The following SUN2 variants were observed in gnomAD, a reference collection of about 807,000 sequenced individuals.
The protein encoded by SUN2 is SUN domain-containing protein 2.
In SUN2, 60 loss-of-function variants were observed where a neutral mutation model predicts 100.0. The ratio of observed to expected loss-of-function variants is 0.60; its 90% confidence interval spans 0.49 to 0.74. The LOEUF (loss-of-function observed/expected upper bound fraction) is 0.74, where lower values mean the gene tolerates loss of function less well. Ranked by LOEUF, SUN2 falls within the 30% of genes least tolerant of loss-of-function variation. The probability of loss-of-function intolerance (pLI) is 0.00; values close to 1 mark genes in which losing one functional copy is unlikely to be tolerated. For missense variants in SUN2, 834 were observed against 954.6 expected (o/e 0.87, Z 1.66); for synonymous variants, 367 against 403.3 (o/e 0.91, Z 1.08).
chr22:38,754,890 C>G (rs1306033526), intron 1 of SUN2: 17 of 1,289,260 alleles, frequency 1.3e-5, no homozygotes, highest in Non-Finnish European at 1.6e-5. Context: ...CATCACAAAA[C>G]AGTTTACCAT....
chr22:38,755,356 A>G lies in SUN2; in HGVS notation c.-38+407T>C. 1 of 1,042,396 alleles carries G rather than the reference A, an allele frequency of 9.6e-7. No individual in the cohort carries two copies. Among genetic ancestry groups the G allele is most frequent in the Non-Finnish European group, 1.2e-6 (1 of 861,986 alleles). 64.6% of individuals were successfully genotyped at this position (1,042,396 alleles called of 1,614,324 possible). ...ATTGCTTTGTTTTGTTTTGTTTTAG[A>G]ACTGAACAAAACGGGCCTTCCTCTG... On this transcript the variant is annotated intron_variant, in intron 1 of 17. Coordinates refer to ENST00000689035, the MANE Select transcript of SUN2 (RefSeq NM_015374.3). The surrounding 1 kb of genome is among the most constrained non-coding windows in gnomAD (Gnocchi z 5.7).
chr22:38,748,864 C>A, intron 6 of SUN2, 81 bp from the exon 7 acceptor site: 1 of 1,409,460 alleles, frequency 7.1e-7, no homozygotes, highest in Non-Finnish European at 1.0e-6. Context: ...CCAGGGAGTA[C>A]CCTGAGATGT....
At chr22:38,749,930 C>T (rs991065032) in intron 5 of SUN2, 71 bp from the exon 6 acceptor site, 44 of 1,461,844 alleles carry the variant, frequency 3.0e-5, no homozygotes, top group South Asian at 1.7e-4. Flanking sequence ...TCCCGTCTGC[C>T]GTCCTCCCTG....
chr22:38,753,716 G>C (rs2092965509), intron 1 of SUN2, among the ~76,000 whole-genome samples: 1 of 152,116 alleles, frequency 6.6e-6, no homozygotes, highest in Non-Finnish European at 1.5e-5. Context: ...TATATTATTA[G>C]AAGCAAGGTA....
rs1484419392 is a variant in SUN2, at chr22:38,738,827, C to T, written c.1779+46G>A. 6.3e-7 allele frequency: 1 copy of T among 1,595,276 alleles called. No homozygotes were observed. Among genetic ancestry groups the T allele is most frequent in the Admixed American group, 1.7e-5 (1 of 59,232 alleles). On this transcript the variant is annotated intron_variant, in intron 15 of 17. Coordinates refer to ENST00000689035, the MANE Select transcript of SUN2 (RefSeq NM_015374.3). This position sits in a 1 kb window ranked among gnomAD's most constrained non-coding sequence, Gnocchi z 6.6. ...TTGCTGACCCCAGATGGGACCAGCC[C>T]TCAGTGTGCTCAGAGCCCCCGCTGC...
intron 17 of SUN2, among the ~76,000 whole-genome samples, chr22:38,736,976 T>C (rs1375307243): frequency 6.6e-6 from 1 of 152,188 alleles, no homozygotes; most frequent in African/African-American, 2.4e-5. Context: ...CCCCAGTAGC[T>C]GGGACCACAG....
chr22:38,741,485 C>T lies in SUN2; in HGVS notation c.1146+9G>A, dbSNP rs918399196. 6.2e-7 allele frequency: 1 copy of T among 1,613,708 alleles called. No individual in the cohort carries two copies. On this transcript the variant is annotated intron_variant, in intron 10 of 17. Coordinates refer to ENST00000689035, the MANE Select transcript of SUN2 (RefSeq NM_015374.3). ...AGTCACAGGCCCTGAGTGCCGCAAGCCCGCTGACCTGGGAGGCCCGGACGA... is the reference window on the plus strand; with the variant it reads ...AGTCACAGGCCCTGAGTGCCGCAAGTCCGCTGACCTGGGAGGCCCGGACGA...
chr22:38,746,447 C>CG (rs1200148509), intron 7 of SUN2, among the ~76,000 whole-genome samples: 1 of 152,008 alleles, frequency 6.6e-6, no homozygotes, highest in Non-Finnish European at 1.5e-5. Flanking sequence ...GGCAGGGGAG[C>CG]GGGGGAGGGA....
Position 38,748,947 on chromosome 22 carries a change from G to A in SUN2, c.615-164C>T, listed in dbSNP as rs995764407. The stretch of plus-strand genomic sequence containing the variant: ...ACTGTGCCAGGGCCAGCCTGGACAC[G>A]TCAGAGCCTTTCCTGCTGGGCAGGT... On this transcript the variant is annotated intron_variant, in intron 6 of 17. Coordinates refer to ENST00000689035, the MANE Select transcript of SUN2 (RefSeq NM_015374.3). 41 of 654,046 alleles carry A rather than the reference G, an allele frequency of 6.3e-5. 1 individual carries two copies. The highest frequency in any genetic ancestry group is 5.7e-4 in the Admixed American group (21 of 37,096). 40.5% of individuals were successfully genotyped at this position (654,046 alleles called of 1,614,324 possible).
At position 38,738,742 on chromosome 22, in the gene SUN2, G is replaced by A; in HGVS notation, c.1792C>T (p.Pro598Ser). 1.2e-6 allele frequency: 2 copies of A among 1,613,532 alleles called. No individual in the cohort carries two copies. The highest frequency in any genetic ancestry group is 1.7e-6 in the Non-Finnish European group (2 of 1,179,950). The stretch of plus-strand genomic sequence containing the variant: ...CCCTGGAAGGCCCAGCAGTTGCCTG[G>A]GTGCACATCTGGCTGGAGGAGCAGA... ...PRVILQPDVH[P>S]GNCWAFQGPQ... The change falls in exon 16 of 18, where the codon CCA becomes TCA. Residue 598 changes from proline to serine, a missense_variant. Around this residue, in one of 3 missense-constraint regions of SUN2, gnomAD observed 195 missense variants for 280.2 expected, o/e 0.70. Coordinates refer to ENST00000689035, the MANE Select transcript of SUN2 (RefSeq NM_015374.3). This position sits in a 1 kb window ranked among gnomAD's most constrained non-coding sequence, Gnocchi z 6.6.
rs150683665 is a variant in SUN2 at position 38,752,552 on chromosome 22, G to A, written c.77C>T (p.Ser26Leu). 1.7e-5 allele frequency: 27 copies of A among 1,613,836 alleles called. No homozygotes were observed. Among genetic ancestry groups the A allele is most frequent in the Non-Finnish European group, 2.0e-5 (24 of 1,179,946 alleles). ...DDGSSSSGGSSVAGSQSTLFK... is the reference protein window; with the variant it reads ...DDGSSSSGGSLVAGSQSTLFK... ...CAGGGTGCTCTGACTCCCAGCCACCGAGCTCCCTCCGCTGCTGCTGCTGCC... is the reference window on the plus strand; with the variant it reads ...CAGGGTGCTCTGACTCCCAGCCACCAAGCTCCCTCCGCTGCTGCTGCTGCC... Residue 26 changes from serine (S) to leucine (L), a missense_variant, in exon 2 of 18, where the codon TCG (serine) becomes TTG (leucine). Physicochemically the swap from Ser to Leu is moderately radical, Grantham distance 145. Coordinates refer to ENST00000689035, the MANE Select transcript of SUN2 (RefSeq NM_015374.3).
At chr22:38,736,431 C>G (rs1457478614) in intron 17 of SUN2, 51 bp from the exon 18 acceptor site, 7 of 1,479,196 alleles carry the variant, frequency 4.7e-6, no homozygotes, top group African/African-American at 1.4e-5. Flanking sequence ...TGAGGCCTCA[C>G]TGACAGAGAA....
rs1399701094 is a variant in SUN2 at position 38,755,041 on chromosome 22, G to C, written c.-38+722C>G. ...CACCTCCTCCCTAACAATCAGTTAGGAAACGCTCATCGGAAAGCATCCTTC... is the reference window on the plus strand; with the variant it reads ...CACCTCCTCCCTAACAATCAGTTAGCAAACGCTCATCGGAAAGCATCCTTC... On this transcript the variant is annotated intron_variant, in intron 1 of 17. Transcript: ENST00000689035. The surrounding 1 kb of genome is among the most constrained non-coding windows in gnomAD (Gnocchi z 5.7). 2 of 1,156,390 alleles carry C rather than the reference G, an allele frequency of 1.7e-6. No individual in the cohort carries two copies. Among genetic ancestry groups the C allele is most frequent in the Admixed American group, 5.6e-5 (2 of 35,600 alleles). 71.6% of individuals were successfully genotyped at this position (1,156,390 alleles called of 1,614,324 possible).
In SUN2 at chr22:38,755,469, G is replaced by A; in HGVS notation, c.-38+294C>T. ...CACAAAACCCGTAGGCGCTGCCCGG[G>A]GCCGGGTTGGGGCAGTCGGCCTTTG... On this transcript the variant is annotated intron_variant, in intron 1 of 17. Transcript: ENST00000689035. The surrounding 1 kb of genome is among the most constrained non-coding windows in gnomAD (Gnocchi z 5.7). 1 of 989,264 alleles carries A rather than the reference G, an allele frequency of 1.0e-6. No homozygotes were observed. The highest frequency in any genetic ancestry group is 1.7e-5 in the African/African-American group (1 of 57,398). The allele number at this position is 989,264 out of a possible 1,614,324, so 61.3% of individuals were successfully genotyped here.
chr22:38,738,355 T>C lies in SUN2; in HGVS notation c.1948-90A>G. ...ATCCCTGCTCCTCCCACCCAGCAGGTCAGGCACCAGAGTGGCCTATGACAA... is the reference window on the plus strand; with the variant it reads ...ATCCCTGCTCCTCCCACCCAGCAGGCCAGGCACCAGAGTGGCCTATGACAA... On this transcript the variant is annotated intron_variant, in intron 16 of 17. Coordinates refer to ENST00000689035, the MANE Select transcript of SUN2 (RefSeq NM_015374.3). The surrounding 1 kb of genome is among the most constrained non-coding windows in gnomAD (Gnocchi z 6.6). The C allele has an allele frequency of 1.6e-6, 2 of 1,246,844 alleles. No individual in the cohort carries two copies. Among genetic ancestry groups the C allele is most frequent in the Non-Finnish European group, 2.3e-6 (2 of 874,806 alleles). The allele number at this position is 1,246,844 out of a possible 1,614,324, so 77.2% of individuals were successfully genotyped here. A position where few individuals can be genotyped will look rare whatever the true frequency, so the allele number is the denominator to read the frequency against.
rs780522708 is a variant in SUN2, at chr22:38,737,052, C to T, written c.2041-672G>A. Among the ~76,000 whole-genome samples the T allele has an allele frequency of 6.6e-6, 1 of 152,158 alleles. No homozygotes were observed. Among genetic ancestry groups the T allele is most frequent in the African/African-American group, 2.4e-5 (1 of 41,418 alleles). On this transcript the variant is annotated intron_variant, in intron 17 of 17. Transcript: ENST00000689035. This position sits in a 1 kb window ranked among gnomAD's most constrained non-coding sequence, Gnocchi z 4.1. ...TGTAGAGTCGGGATCTCGCTGTGTT[C>T]ACCAGCCTGGTCTTGAACTCCTGGG...
At chr22:38,745,032 G>T in intron 8 of SUN2, 1 of 471,080 alleles carries the variant, frequency 2.1e-6, no homozygotes, top group Non-Finnish European at 4.4e-6. Flanking sequence ...CTTGAATCTG[G>T]ATTTGGCTCT....
chr22:38,735,231 C>T lies in SUN2; in HGVS notation c.*1036G>A, dbSNP rs569874651. ...CACCAACTGCCCCACAGAGAACAAA[C>T]CAGAAGGGCGACTACCTGAACAAGA... On this transcript the variant is annotated 3_prime_UTR_variant, in exon 18 of 18. Transcript: ENST00000689035. 1 of 456,080 alleles carries T rather than the reference C, an allele frequency of 2.2e-6. No individual in the cohort carries two copies. The allele number at this position is 456,080 out of a possible 1,614,324, so 28.3% of individuals were successfully genotyped here. A position where few individuals can be genotyped will look rare whatever the true frequency, so the allele number is the denominator to read the frequency against.
chr22:38,741,828 G>A (rs2092860448), intron 9 of SUN2, among the ~76,000 whole-genome samples: 2 of 152,176 alleles, frequency 1.3e-5, no homozygotes, highest in African/African-American at 4.8e-5. Flanking sequence ...CCATCAAAGA[G>A]CAGGAAACTG....
Sources: gnomAD v4.1 joint callset for allele counts (sites outside exome capture counted in the v4.1 genomes callset) on GRCh38, gnomAD v4.1.1 for gene constraint, gnomAD v4.1.1 regional missense constraint, Gnocchi (gnomAD v3.1) non-coding constraint, MANE v1.5 for transcripts, NCBI Gene and HGNC (gene_info 2026-07-23, HGNC 2026-07-21) for gene names.